The following LMBR1 variants were observed in gnomAD, a reference collection of about 807,000 sequenced individuals.
LMBR1 encodes limb development membrane protein 1.
A neutral mutation model predicts 73.9 loss-of-function variants in LMBR1; 52 were observed. The observed-to-expected ratio is 0.70, with a 90% CI of 0.56 to 0.89. The LOEUF (loss-of-function observed/expected upper bound fraction) is 0.89. Among genes scored for constraint, LMBR1 ranks in the 40% least tolerant of loss-of-function variants. The pLI, the probability that LMBR1 is intolerant of heterozygous loss-of-function variation, is 0.00. For synonymous variants in LMBR1, 215 were observed against 209.4 expected (o/e 1.03, Z -0.23); for missense variants, 539 against 579.8 (o/e 0.93, Z 0.72).
intron 15 of LMBR1, among the ~76,000 whole-genome samples, chr7:156,689,979 A>G (rs1157055627): frequency 6.6e-6 from 1 of 152,206 alleles, no homozygotes; most frequent in African/African-American, 2.4e-5. Flanking sequence ...CATTAGGGCC[A>G]AAGACTCCTT....
At chr7:156,709,080 T>C (rs1014828245) in intron 15 of LMBR1, among the ~76,000 whole-genome samples, 1 of 152,168 alleles carries the variant, frequency 6.6e-6, no homozygotes, top group Non-Finnish European at 1.5e-5. Flanking sequence ...TTTCTCTACC[T>C]ACCCTGGCAG....
chr7:156,777,031 A>C (rs912079374), intron 5 of LMBR1, among the ~76,000 whole-genome samples: 2 of 151,056 alleles, frequency 1.3e-5, no homozygotes, highest in South Asian at 4.2e-4. Context: ...TCCTGGGTTC[A>C]CGCCACTCTC....
At chr7:156,779,926 T>C (rs1368662250) in intron 5 of LMBR1, among the ~76,000 whole-genome samples, 1 of 152,110 alleles carries the variant, frequency 6.6e-6, no homozygotes, top group Non-Finnish European at 1.5e-5. Flanking sequence ...ATATACACAG[T>C]CATCAGGGGA....
intron 1 of LMBR1, among the ~76,000 whole-genome samples, chr7:156,846,386 C>G (rs1176330470): frequency 6.6e-6 from 1 of 152,030 alleles, no homozygotes; most frequent in African/African-American, 2.4e-5. Flanking sequence ...AGAGTGAGAC[C>G]CTGTCTCATT....
At chr7:156,879,998 G>A (rs1203159302) in intron 1 of LMBR1, among the ~76,000 whole-genome samples, 1 of 152,160 alleles carries the variant, frequency 6.6e-6, no homozygotes, top group South Asian at 2.1e-4. Context: ...TACCACTACT[G>A]GGTATCTACC....
intron 1 of LMBR1, among the ~76,000 whole-genome samples, chr7:156,837,854 T>C (rs1298441273): frequency 1.3e-5 from 2 of 151,076 alleles, no homozygotes; most frequent in East Asian, 3.9e-4. Context: ...TGGCACAATA[T>C]TGGCTCATTG....
intron 4 of LMBR1, 44 bp from the exon 5 acceptor site, chr7:156,796,536 T>C (rs767707776): frequency 1.5e-6 from 2 of 1,302,078 alleles, no homozygotes; most frequent in Non-Finnish European, 2.1e-6. Flanking sequence ...AGGTTAGATA[T>C]TGAAATTGTG....
intron 15 of LMBR1, among the ~76,000 whole-genome samples, chr7:156,705,228 G>A (rs1354564832): frequency 1.3e-5 from 2 of 151,924 alleles, no homozygotes; most frequent in African/African-American, 4.8e-5. Flanking sequence ...TTATAGGCCA[G>A]AAAAAAAATG....
chr7:156,711,976 A>G (rs564050847), intron 15 of LMBR1, among the ~76,000 whole-genome samples: 1 of 152,318 alleles, frequency 6.6e-6, no homozygotes, highest in East Asian at 1.9e-4. Flanking sequence ...GAAAGCACAG[A>G]CGACTAAAGC....
At chr7:156,722,125 T>C (rs907408634) in intron 15 of LMBR1, among the ~76,000 whole-genome samples, 9 of 152,144 alleles carry the variant, frequency 5.9e-5, no homozygotes, top group African/African-American at 1.9e-4. Context: ...AGATAAAATA[T>C]GATTTTTCTT....
intron 1 of LMBR1, among the ~76,000 whole-genome samples, chr7:156,848,404 C>T (rs1231168380): frequency 1.3e-5 from 2 of 152,152 alleles, no homozygotes; most frequent in Non-Finnish European, 2.9e-5. Flanking sequence ...CAAAAGAAGA[C>T]ATACATGCAG....
intron 1 of LMBR1, among the ~76,000 whole-genome samples, chr7:156,859,892 A>G (rs1439543982): frequency 6.6e-6 from 1 of 152,252 alleles, no homozygotes; most frequent in African/African-American, 2.4e-5. Flanking sequence ...TGACTTCAGG[A>G]GACTTATAGG....
At chr7:156,692,610 G>C (rs1807451466) in intron 15 of LMBR1, among the ~76,000 whole-genome samples, 1 of 152,164 alleles carries the variant, frequency 6.6e-6, no homozygotes, top group African/African-American at 2.4e-5. Flanking sequence ...AAACAAACAA[G>C]GTGGGCCCTA....
downstream of LMBR1, among the ~76,000 whole-genome samples, chr7:156,672,975 G>T (rs537887667): frequency 1.5e-3 from 227 of 152,350 alleles, no homozygotes; most frequent in Non-Finnish European, 2.7e-3. Flanking sequence ...CTCACCCCGC[G>T]GACTGTGGCC....
At chr7:156,811,546 T>C (rs1370521925) in intron 4 of LMBR1, among the ~76,000 whole-genome samples, 1 of 151,846 alleles carries the variant, frequency 6.6e-6, no homozygotes, top group East Asian at 1.9e-4. Flanking sequence ...GAGGCGGAGG[T>C]TGCAGTGAGC....
intron 4 of LMBR1, chr7:156,823,730 A>T (rs576718908): frequency 5.9e-5 from 9 of 152,344 alleles, no homozygotes; most frequent in African/African-American, 2.2e-4. Flanking sequence ...TGAAGAACAT[A>T]AAAGGTATGG....
intron 1 of LMBR1, among the ~76,000 whole-genome samples, chr7:156,878,833 C>A (rs1303316477): frequency 6.6e-6 from 1 of 152,158 alleles, no homozygotes; most frequent in Non-Finnish European, 1.5e-5. Context: ...TCCGAAACAG[C>A]ATGGTACTAG....
intron 9 of LMBR1, among the ~76,000 whole-genome samples, chr7:156,750,599 C>T (rs1820697408): frequency 6.6e-6 from 1 of 152,262 alleles, no homozygotes; most frequent in East Asian, 1.9e-4. Flanking sequence ...GGTCTTGTCA[C>T]CAAATTTTAC....
chr7:156,891,214 ATATATATATAT>A (rs1802888332), intron 1 of LMBR1, among the ~76,000 whole-genome samples: 5 of 49,694 alleles, frequency 1.0e-4, no homozygotes, highest in East Asian at 5.7e-4. Flanking sequence ...AAAAAAAAAT[ATATATATATAT>A]ATATATATAC....
Sources: allele counts gnomAD v4.1 joint callset (sites outside exome capture counted in the v4.1 genomes callset), GRCh38; gene constraint gnomAD v4.1.1; transcripts MANE v1.5; gene names NCBI Gene and HGNC (gene_info 2026-07-23, HGNC 2026-07-21).